GRIK1: variants seen among roughly 807,000 people sequenced by gnomAD.
GRIK1 encodes glutamate receptor ionotropic, kainate 1.
In GRIK1, 69 loss-of-function variants were observed where a neutral mutation model predicts 105.7. The ratio of observed to expected loss-of-function variants is 0.65; its 90% CI spans 0.54 to 0.80. The LOEUF (loss-of-function observed/expected upper bound fraction) is 0.80, where lower values mean the gene tolerates loss of function less well. Among genes scored for constraint, GRIK1 ranks in the 30% least tolerant of loss-of-function variants. The pLI is 0.00. For synonymous variants in GRIK1, 438 were observed against 431.3 expected (o/e 1.02, Z -0.19); for missense variants, 1,109 against 1,167.3 (o/e 0.95, Z 0.73).
chr21:29,885,664 T>C (rs2069595793), intron 1 of GRIK1, among the ~76,000 whole-genome samples: 3 of 152,116 alleles, frequency 2.0e-5, no homozygotes, highest in Admixed American at 6.6e-5. Context: ...TACTGATGAC[T>C]GCCTGCTGTA....
At chr21:29,863,744 A>T (rs1276235591) in intron 1 of GRIK1, among the ~76,000 whole-genome samples, 1 of 152,134 alleles carries the variant, frequency 6.6e-6, no homozygotes, top group Non-Finnish European at 1.5e-5. Context: ...CGGTGGAGGA[A>T]TGTAATAAAC....
chr21:29,710,094 A>G (rs1268495161), intron 1 of GRIK1, among the ~76,000 whole-genome samples: 1 of 151,720 alleles, frequency 6.6e-6, no homozygotes, highest in Non-Finnish European at 1.5e-5. Context: ...AATATTATTT[A>G]TACTCATATC....
chr21:29,869,909 A>C (rs1008552358), intron 1 of GRIK1, among the ~76,000 whole-genome samples: 7 of 152,182 alleles, frequency 4.6e-5, no homozygotes, highest in African/African-American at 1.7e-4. Context: ...ATATATTTTT[A>C]TGTAATATAG....
At chr21:29,938,111 T>A (rs1261296905) in intron 1 of GRIK1, among the ~76,000 whole-genome samples, 1 of 152,186 alleles carries the variant, frequency 6.6e-6, no homozygotes, top group Non-Finnish European at 1.5e-5. Context: ...CCTAGTATGT[T>A]CTGAATTTTT....
At chr21:29,557,329 T>C (rs1330834091) in intron 15 of GRIK1, among the ~76,000 whole-genome samples, 1 of 152,202 alleles carries the variant, frequency 6.6e-6, no homozygotes, top group African/African-American at 2.4e-5. Context: ...TACAGTCCAG[T>C]CCACTTACAG....
At chr21:29,769,618 A>G (rs1476540703) in intron 1 of GRIK1, among the ~76,000 whole-genome samples, 1 of 152,092 alleles carries the variant, frequency 6.6e-6, no homozygotes, top group East Asian at 1.9e-4. Context: ...CTCAGGTGGT[A>G]ATGCTCACTT....
At chr21:29,792,990 C>T (rs1285562853) in intron 1 of GRIK1, among the ~76,000 whole-genome samples, 1 of 152,220 alleles carries the variant, frequency 6.6e-6, no homozygotes, top group East Asian at 1.9e-4. Flanking sequence ...TTTAATGTCA[C>T]TATTTTCTAC....
chr21:29,726,684 T>C (rs2064472502), intron 1 of GRIK1, among the ~76,000 whole-genome samples: 1 of 151,872 alleles, frequency 6.6e-6, no homozygotes, highest in Admixed American at 6.6e-5. Context: ...TATTTAATGG[T>C]TACATAAAAC....
At chr21:29,704,845 TCTC>T (rs974097625) in intron 1 of GRIK1, among the ~76,000 whole-genome samples, 4 of 152,208 alleles carry the variant, frequency 2.6e-5, no homozygotes, top group African/African-American at 2.4e-5. Flanking sequence ...GTATGGCTCA[TCTC>T]CTGTTCAACA....
intron 1 of GRIK1, among the ~76,000 whole-genome samples, chr21:29,721,200 A>C (rs950518414): frequency 6.6e-6 from 1 of 152,110 alleles, no homozygotes; most frequent in African/African-American, 2.4e-5. Flanking sequence ...AAATTTGCAT[A>C]TCTTTTTTCC....
At chr21:29,815,065 A>G (rs1392140222) in intron 1 of GRIK1, among the ~76,000 whole-genome samples, 1 of 152,140 alleles carries the variant, frequency 6.6e-6, no homozygotes, top group Non-Finnish European at 1.5e-5. Context: ...ATAAGTGGCC[A>G]ATGCATTTTG....
chr21:29,725,538 T>C (rs2064435708), intron 1 of GRIK1, among the ~76,000 whole-genome samples: 1 of 152,118 alleles, frequency 6.6e-6, no homozygotes, highest in Non-Finnish European at 1.5e-5. Context: ...AATCCCACCC[T>C]CCTCTTCCCA....
rs1246266624 is a variant in GRIK1, at chr21:29,560,507, CCTTCCTTCCTTCCTTTCTTT to C, written c.2356+1097_2356+1116del. 5.9e-3 allele frequency among the ~76,000 whole-genome samples: 178 copies of C among 30,124 alleles called. 22 individuals carry two copies. The highest frequency in any genetic ancestry group is 0.028 in the African/African-American group (144 of 5,210). The allele number at this position is 30,124 out of a possible 152,430, so 19.8% of individuals were successfully genotyped here. ...CCTTTCTTTCTTTCTTTCCTTCCTT[CCTTCCTTCCTTCCTTTCTTT>C]CTTTCTTTCTTTCTTTCTTTCTTTC... On this transcript the variant is annotated intron_variant, in intron 15 of 17. Transcript: ENST00000327783.
chr21:29,684,256 A>G (rs1384008975), intron 3 of GRIK1, among the ~76,000 whole-genome samples: 1 of 43,040 alleles, frequency 2.3e-5, no homozygotes, highest in African/African-American at 8.5e-5. Context: ...TATCATCTCT[A>G]TCTATCTATC....
intron 1 of GRIK1, among the ~76,000 whole-genome samples, chr21:29,742,236 AT>A (rs1191804783): frequency 2.6e-5 from 4 of 152,196 alleles, no homozygotes; most frequent in African/African-American, 9.7e-5. Context: ...AAAAAAAAGC[AT>A]TTCTGTCTTC....
intron 2 of GRIK1, among the ~76,000 whole-genome samples, chr21:29,692,916 A>G (rs2063612853): frequency 6.6e-6 from 1 of 152,224 alleles, no homozygotes; most frequent in Non-Finnish European, 1.5e-5. Flanking sequence ...AATAAGTTTT[A>G]TATTTTGTTT....
intron 1 of GRIK1, among the ~76,000 whole-genome samples, chr21:29,757,463 G>C (rs1231885456): frequency 6.6e-6 from 1 of 152,160 alleles, no homozygotes; most frequent in Non-Finnish European, 1.5e-5. Context: ...AAAGATGTTT[G>C]TTTTACTAAA....
chr21:29,712,081 CAT>C (rs201419231), intron 1 of GRIK1, among the ~76,000 whole-genome samples: 80 of 116,920 alleles, frequency 6.8e-4, no homozygotes, highest in African/African-American at 2.7e-3. Context: ...TGTATACATA[CAT>C]ACACACACAC....
intron 1 of GRIK1, among the ~76,000 whole-genome samples, chr21:29,732,460 T>C (rs1194051498): frequency 2.0e-5 from 3 of 152,234 alleles, no homozygotes; most frequent in African/African-American, 7.2e-5. Flanking sequence ...CTTCAAGTGA[T>C]GCATCCTAAA....
Sources: gnomAD v4.1 joint callset for allele counts (sites outside exome capture counted in the v4.1 genomes callset) on GRCh38, gnomAD v4.1.1 for gene constraint, MANE v1.5 for transcripts, NCBI Gene and HGNC (gene_info 2026-07-23, HGNC 2026-07-21) for gene names.